Variants in SOCS7 observed in about 807,000 individuals in gnomAD.
SOCS7 encodes NAP-4.
In SOCS7, 18 loss-of-function variants were observed where a neutral mutation model predicts 58.9. The ratio of observed to expected loss-of-function variants is 0.31; its 90% CI spans 0.21 to 0.45. SOCS7 has a LOEUF of 0.45. SOCS7 is among the 20% of genes least tolerant of loss of function. The probability of loss-of-function intolerance (pLI) is 1.00; values close to 1 mark genes in which losing one functional copy is unlikely to be tolerated. For missense variants in SOCS7, 667 were observed against 837.3 expected, an observed-to-expected ratio of 0.80 and a Z score of 2.51; for synonymous variants, 388 against 364.3, an observed-to-expected ratio of 1.06 and a Z score of -0.74.
chr17:38,395,222 TC>T, intron 7 of SOCS7, 86 bp from the exon 8 acceptor site: 2 of 1,416,270 alleles, frequency 1.4e-6, no homozygotes, highest in Middle Eastern at 3.6e-4. Flanking sequence ...AAGTCCCATT[TC>T]CCCTCCCTAG....
intron 6 of SOCS7, among the ~76,000 whole-genome samples, chr17:38,373,072 C>G (rs2037888191): frequency 6.6e-6 from 1 of 151,292 alleles, no homozygotes; most frequent in South Asian, 2.1e-4. Flanking sequence ...TGCCATTGCA[C>G]TCCAGCCTGG....
chr17:38,357,996 G>A (rs2037662448), intron 1 of SOCS7, among the ~76,000 whole-genome samples: 1 of 152,198 alleles, frequency 6.6e-6, no homozygotes, highest in South Asian at 2.1e-4. Flanking sequence ...TTGCAGGGTA[G>A]AAATGGACAG....
chr17:38,357,671 C>T (rs773578580), intron 1 of SOCS7, among the ~76,000 whole-genome samples: 1 of 152,136 alleles, frequency 6.6e-6, no homozygotes, highest in Non-Finnish European at 1.5e-5. Flanking sequence ...TGGCTTATGA[C>T]GTGTTGGAAA....
In SOCS7 at chr17:38,384,838, G is replaced by A. The variant is rs1262568003; in HGVS notation, c.1681+6996G>A. Among the ~76,000 whole-genome samples, 8 of 147,652 alleles carry A rather than the reference G, an allele frequency of 5.4e-5. No homozygotes were observed. The East Asian group carries it at 1.4e-3, about 26-fold the overall frequency. On this transcript the variant is annotated intron_variant, in intron 7 of 9. Transcript: ENST00000612932. ...GAACTCCTGACTTTGTGATCCACCCGCCTCAGCCTCCCAAAGTGCTGGGAT... is the reference window on the plus strand; with the variant it reads ...GAACTCCTGACTTTGTGATCCACCCACCTCAGCCTCCCAAAGTGCTGGGAT...
chr17:38,384,260 T>G (rs945916865), intron 7 of SOCS7, among the ~76,000 whole-genome samples: 1 of 152,202 alleles, frequency 6.6e-6, no homozygotes, highest in Non-Finnish European at 1.5e-5. Context: ...ACCTGTCCAC[T>G]TCTTCATTGC....
At position 38,361,777 on chromosome 17, in the gene SOCS7, T is replaced by A. The variant is rs1555567630; in HGVS notation, c.1045+2T>A. 6.2e-7 allele frequency: 1 copy of A among 1,605,978 alleles called. No individual in the cohort carries two copies. Among genetic ancestry groups the A allele is most frequent in the Non-Finnish European group, 8.5e-7 (1 of 1,175,302 alleles). On this transcript the variant is annotated splice_donor_variant, in intron 2 of 9. Coordinates refer to ENST00000612932, the MANE Select transcript of SOCS7 (RefSeq NM_014598.4). LOFTEE classifies it high-confidence loss of function. ...TCTCCTTCAGCCCCCTGTTCACAGG[T>A]AAGGGTAATATCTTTCTCTCTTCTG...
intron 7 of SOCS7, 39 bp downstream of exon 7, chr17:38,377,881 G>T: frequency 6.3e-7 from 1 of 1,595,370 alleles, no homozygotes. Flanking sequence ...ACTTAAGTTG[G>T]GTATGATCCA....
chr17:38,387,422 G>A (rs1463515305), intron 7 of SOCS7, among the ~76,000 whole-genome samples: 2 of 145,438 alleles, frequency 1.4e-5, no homozygotes, highest in Admixed American at 1.4e-4. Context: ...ACTCCAGCCT[G>A]GGTGACAGAG....
chr17:38,355,312 CTAGATGGAA>C (rs2037622894), intron 1 of SOCS7, among the ~76,000 whole-genome samples: 3 of 152,138 alleles, frequency 2.0e-5, no homozygotes. Flanking sequence ...GAAGAGAAAT[CTAGATGGAA>C]TATTTTGTGC....
At chr17:38,365,081 C>G (rs1159106529) in intron 3 of SOCS7, among the ~76,000 whole-genome samples, 1 of 152,148 alleles carries the variant, frequency 6.6e-6, no homozygotes, top group Non-Finnish European at 1.5e-5. Context: ...TTTATCTTGC[C>G]TTGAACCCAC....
intron 6 of SOCS7, among the ~76,000 whole-genome samples, chr17:38,374,952 A>G (rs771916656): frequency 2.6e-5 from 4 of 152,202 alleles, no homozygotes; most frequent in Admixed American, 6.5e-5. Flanking sequence ...ATATAGAAAC[A>G]TTTTTAGAGA....
chr17:38,377,059 A>G (rs1010243730), intron 6 of SOCS7, among the ~76,000 whole-genome samples: 5 of 152,166 alleles, frequency 3.3e-5, no homozygotes, highest in African/African-American at 7.2e-5. Context: ...CTAGGTTTGG[A>G]TAAGTACACT....
At chr17:38,358,858 C>A (rs1202818509) in intron 1 of SOCS7, among the ~76,000 whole-genome samples, 2 of 152,040 alleles carry the variant, frequency 1.3e-5, no homozygotes, top group Non-Finnish European at 2.9e-5. Flanking sequence ...AGATGTTTTT[C>A]TTTTTCTAGA....
chr17:38,353,038 A>ACCGG lies in SOCS7; in HGVS notation c.980+11_980+14dup. The ACCGG allele has an allele frequency of 6.4e-7, 1 of 1,574,100 alleles. No individual in the cohort carries two copies. The highest frequency in any genetic ancestry group is 1.1e-5 in the South Asian group (1 of 87,428). On this transcript the variant is annotated splice_region_variant and intron_variant, in intron 1 of 9. Transcript: ENST00000612932. ...CGGGAGCTGGACGCGGGGAGGTGAG[A>ACCGG]CCGGCCGGGGGCTGGCCGACAAACT...
chr17:38,389,705 T>G (rs1334269582), intron 7 of SOCS7, among the ~76,000 whole-genome samples: 10 of 149,038 alleles, frequency 6.7e-5, no homozygotes, highest in Admixed American at 5.5e-4. Flanking sequence ...TTTTTTTTTT[T>G]TGCTTGTTAT....
chr17:38,362,412 C>T (rs2037732291), intron 2 of SOCS7, among the ~76,000 whole-genome samples: 1 of 152,134 alleles, frequency 6.6e-6, no homozygotes, highest in East Asian at 1.9e-4. Context: ...AGAGGGAGAC[C>T]TTCTGTTATG....
At chr17:38,398,527 A>G (rs1438900563) in intron 9 of SOCS7, among the ~76,000 whole-genome samples, 2 of 152,132 alleles carry the variant, frequency 1.3e-5, no homozygotes, top group African/African-American at 4.8e-5. Context: ...GATTACAGGC[A>G]TGAGCCACTG....
intron 7 of SOCS7, among the ~76,000 whole-genome samples, chr17:38,382,092 A>T (rs1017526393): frequency 1.3e-5 from 2 of 151,816 alleles, no homozygotes; most frequent in African/African-American, 4.8e-5. Context: ...TAATTGAGAG[A>T]ATCTTCATCT....
rs200707695 is a variant in SOCS7, at chr17:38,395,914, A to G, written c.1884A>G (p.Leu628=). The change falls in exon 9 of 10, where the codon CTA becomes CTG. Residue 628 remains leucine (L), a synonymous_variant. Transcript: ENST00000612932. The part of the protein sequence containing the change: ...YDPQEEVYLS[L]KEAQLISKQK... ...CTCAGGAAGAGGTATACCTGTCTCTAAAGGAAGCGCAGCTCATTTCCAAAC... is the reference window on the plus strand; with the variant it reads ...CTCAGGAAGAGGTATACCTGTCTCTGAAGGAAGCGCAGCTCATTTCCAAAC... 6.2e-7 allele frequency: 1 copy of G among 1,611,952 alleles called. No individual in the cohort carries two copies. Among genetic ancestry groups the G allele is most frequent in the African/African-American group, 1.3e-5 (1 of 74,874 alleles).
Sources: allele counts gnomAD v4.1 joint callset (sites outside exome capture counted in the v4.1 genomes callset), GRCh38; gene constraint gnomAD v4.1.1; transcripts MANE v1.5; gene names NCBI Gene and HGNC (gene_info 2026-07-23, HGNC 2026-07-21).